Variants in RAB10 observed in about 807,000 individuals in gnomAD.
RAB10 encodes the protein RAB10, member RAS oncogene family, also known as ras-related protein Rab-10.
Under a neutral mutation model 25.7 loss-of-function variants are expected in RAB10, and 5 were observed. The ratio of observed to expected loss-of-function variants is 0.19; its 90% CI spans 0.10 to 0.41. The LOEUF is 0.41. RAB10 is among the 10% of genes least tolerant of loss of function. RAB10 has a pLI of 1.00. For synonymous variants in RAB10, 89 were observed against 86.4 expected (o/e 1.03, Z -0.16); for missense variants, 103 against 245.8 (o/e 0.42, Z 3.89).
chr2:26,069,628 T>G (rs1311243679), intron 1 of RAB10, among the ~76,000 whole-genome samples: 1 of 151,312 alleles, frequency 6.6e-6, no homozygotes, highest in Non-Finnish European at 1.5e-5. Context: ...ATCGCACCAC[T>G]GCACTCCAGT....
chr2:26,115,860 GTTT>G (rs70950169), intron 3 of RAB10, among the ~76,000 whole-genome samples: 6 of 105,790 alleles, frequency 5.7e-5, no homozygotes, highest in Admixed American at 1.0e-4. Context: ...TGTTATTACT[GTTT>G]TTTTTTTTTT....
chr2:26,062,700 A>AAAT (rs1162177995), intron 1 of RAB10, among the ~76,000 whole-genome samples: 1 of 151,312 alleles, frequency 6.6e-6, no homozygotes, highest in African/African-American at 2.4e-5. Context: ...ATAAATAAAT[A>AAAT]AATAAAGGAA....
chr2:26,047,203 T>C (rs1230708226), intron 1 of RAB10, among the ~76,000 whole-genome samples: 1 of 152,174 alleles, frequency 6.6e-6, no homozygotes, highest in Admixed American at 6.5e-5. Context: ...TCATGTTCTT[T>C]TGTAATTATA....
At chr2:26,083,454 C>T (rs1666913080) in intron 1 of RAB10, among the ~76,000 whole-genome samples, 1 of 147,392 alleles carries the variant, frequency 6.8e-6, no homozygotes, top group African/African-American at 2.5e-5. Flanking sequence ...AAAACCTTCC[C>T]CTCCTTTCTC....
At chr2:26,100,721 T>C (rs1479655449) in intron 2 of RAB10, among the ~76,000 whole-genome samples, 2 of 152,192 alleles carry the variant, frequency 1.3e-5, no homozygotes, top group African/African-American at 4.8e-5. Flanking sequence ...CCTTATAAAT[T>C]AGGATGTCAA....
chr2:26,087,519 C>T (rs1226031969), intron 1 of RAB10, among the ~76,000 whole-genome samples: 3 of 152,174 alleles, frequency 2.0e-5, no homozygotes, highest in Non-Finnish European at 2.9e-5. Flanking sequence ...TCTCCTGCCT[C>T]AGCCTCCCTG....
intron 1 of RAB10, among the ~76,000 whole-genome samples, chr2:26,064,269 G>T (rs746186905): frequency 3.3e-5 from 5 of 152,150 alleles, no homozygotes; most frequent in Non-Finnish European, 7.4e-5. Flanking sequence ...TTGCTTTGGT[G>T]ATTGCAGACG....
At chr2:26,075,928 G>GA (rs1309647240) in intron 1 of RAB10, among the ~76,000 whole-genome samples, 1 of 152,106 alleles carries the variant, frequency 6.6e-6, no homozygotes. Context: ...TTGCTGACCT[G>GA]AGAGTCATGG....
At chr2:26,117,637 A>AAAAAC (rs1667720628) in intron 3 of RAB10, among the ~76,000 whole-genome samples, 1 of 138,134 alleles carries the variant, frequency 7.2e-6, no homozygotes, top group Non-Finnish European at 1.6e-5. Flanking sequence ...AAAAAAAAAC[A>AAAAAC]AAAAAAACAA....
intron 1 of RAB10, among the ~76,000 whole-genome samples, chr2:26,055,669 G>A (rs1666246290): frequency 6.6e-6 from 1 of 152,042 alleles, no homozygotes; most frequent in Non-Finnish European, 1.5e-5. Context: ...AATTACAGGT[G>A]TGAGCCACCC....
chr2:26,089,280 G>A (rs1435759374), intron 1 of RAB10, among the ~76,000 whole-genome samples: 4 of 151,886 alleles, frequency 2.6e-5, no homozygotes, highest in Admixed American at 2.0e-4. Flanking sequence ...AAAATTAGCC[G>A]GGCATGATGG....
chr2:26,072,304 T>A (rs1429692543), intron 1 of RAB10, among the ~76,000 whole-genome samples: 2 of 152,148 alleles, frequency 1.3e-5, no homozygotes, highest in Non-Finnish European at 2.9e-5. Flanking sequence ...TATTCTCAGC[T>A]ACTCGGGAGG....
intron 1 of RAB10, among the ~76,000 whole-genome samples, chr2:26,048,857 C>T (rs1666072354): frequency 6.6e-6 from 1 of 152,296 alleles, no homozygotes; most frequent in South Asian, 2.1e-4. Flanking sequence ...CAGTGAGACT[C>T]TATCTCAATA....
intron 1 of RAB10, among the ~76,000 whole-genome samples, chr2:26,060,269 A>G (rs1164078580): frequency 6.6e-6 from 1 of 152,096 alleles, no homozygotes; most frequent in Non-Finnish European, 1.5e-5. Context: ...TTCTCACAGT[A>G]GTTCTTTTTT....
chr2:26,041,279 G>T (rs768457947), intron 1 of RAB10, among the ~76,000 whole-genome samples: 2 of 152,090 alleles, frequency 1.3e-5, no homozygotes, highest in Non-Finnish European at 2.9e-5. Context: ...AGTGGCTCAT[G>T]CCTGTAATCC....
At chr2:26,097,940 A>G (rs1485056021) in intron 1 of RAB10, among the ~76,000 whole-genome samples, 1 of 152,094 alleles carries the variant, frequency 6.6e-6, no homozygotes, top group Non-Finnish European at 1.5e-5. Flanking sequence ...ATGACCCTCT[A>G]TCCTTGGTAG....
intron 1 of RAB10, 132 bp downstream of exon 1, chr2:26,034,867 T>A: frequency 7.4e-7 from 1 of 1,344,566 alleles, no homozygotes; most frequent in Admixed American, 2.0e-5. Flanking sequence ...TCCAAGTTAC[T>A]GTTTGAATCG....
At chr2:26,042,414 T>C (rs913543593) in intron 1 of RAB10, among the ~76,000 whole-genome samples, 4 of 152,030 alleles carry the variant, frequency 2.6e-5, no homozygotes, top group Non-Finnish European at 5.9e-5. Context: ...GGCAGGAGGA[T>C]AGCTTGAGCT....
intron 1 of RAB10, among the ~76,000 whole-genome samples, chr2:26,038,105 CG>C (rs1270061260): frequency 6.6e-6 from 1 of 151,568 alleles, no homozygotes; most frequent in Non-Finnish European, 1.5e-5. Context: ...AGGCTGGTCT[CG>C]AACTTCTGAC....
Sources: allele counts gnomAD v4.1 joint callset (sites outside exome capture counted in the v4.1 genomes callset), GRCh38; gene constraint gnomAD v4.1.1; transcripts MANE v1.5; gene names NCBI Gene and HGNC (gene_info 2026-07-23, HGNC 2026-07-21).